KIF6: variants seen among roughly 807,000 people sequenced by gnomAD.
KIF6 encodes kinesin family member 6, also known as kinesin-like protein KIF6.
KIF6 carries 106 observed loss-of-function variants against 112.7 expected under a neutral mutation model. That is an observed-to-expected ratio of 0.94 (90% CI 0.80 to 1.11). The LOEUF is 1.11. Ranked by LOEUF, KIF6 falls within the 50% of genes least tolerant of loss-of-function variation. KIF6 has a pLI of 0.00. For missense variants in KIF6, 929 were observed against 964.0 expected, an observed-to-expected ratio of 0.96 and a Z score of 0.48; for synonymous variants, 339 against 339.9, an observed-to-expected ratio of 1.00 and a Z score of 0.03.
intron 16 of KIF6, among the ~76,000 whole-genome samples, chr6:39,385,359 G>T (rs936665115): frequency 3.3e-5 from 5 of 152,162 alleles, no homozygotes; most frequent in Non-Finnish European, 5.9e-5. Flanking sequence ...GGGGATGTGG[G>T]GTGGGAAAGG....
At chr6:39,439,284 C>G (rs1771762848) in intron 13 of KIF6, among the ~76,000 whole-genome samples, 2 of 152,172 alleles carry the variant, frequency 1.3e-5, no homozygotes, top group African/African-American at 4.8e-5. Context: ...CTCAGCTCCT[C>G]AACAGAGCTG....
intron 5 of KIF6, among the ~76,000 whole-genome samples, chr6:39,621,231 ACG>A (rs1491302682): frequency 0.17 from 21,585 of 126,440 alleles, 1,650 homozygotes; most frequent in Admixed American, 0.26. Flanking sequence ...ACACACACAC[ACG>A]TACACATATA....
intron 13 of KIF6, among the ~76,000 whole-genome samples, chr6:39,464,621 C>T (rs1477993533): frequency 4.6e-5 from 7 of 152,184 alleles, no homozygotes; most frequent in Non-Finnish European, 8.8e-5. Context: ...GCCAGGCCAT[C>T]GCCTGGCAGC....
chr6:39,359,582 T>C (rs1310305065), intron 18 of KIF6, among the ~76,000 whole-genome samples: 2 of 151,678 alleles, frequency 1.3e-5, no homozygotes, highest in Non-Finnish European at 2.9e-5. Flanking sequence ...ATGTGATTTA[T>C]TATTATTATT....
rs1303793216 is a variant in KIF6, at chr6:39,639,790, A to T, written c.252-33T>A. 3 of 1,585,826 alleles carry T rather than the reference A, an allele frequency of 1.9e-6. No individual in the cohort carries two copies. The African/African-American group carries it at 4.1e-5, about 21-fold the overall frequency. On this transcript the variant is annotated intron_variant, in intron 3 of 22. Coordinates refer to ENST00000287152, the MANE Select transcript of KIF6 (RefSeq NM_145027.6). ...AAAGAAATGACACACTTTCAATATCAACATGGCTAACTGCATATGAATTAA... is the reference window on the plus strand; with the variant it reads ...AAAGAAATGACACACTTTCAATATCTACATGGCTAACTGCATATGAATTAA...
At chr6:39,660,117 C>G (rs191556244) in intron 3 of KIF6, among the ~76,000 whole-genome samples, 2 of 152,226 alleles carry the variant, frequency 1.3e-5, no homozygotes, top group Admixed American at 1.3e-4. Context: ...TTGAAACCAG[C>G]CTGGGCAACA....
rs150829725 is a variant in KIF6, at chr6:39,657,740, G to T, written c.252-17983C>A. On this transcript the variant is annotated intron_variant, in intron 3 of 22. Coordinates refer to ENST00000287152, the MANE Select transcript of KIF6 (RefSeq NM_145027.6). ...AGGAATTTGGTGGAAATAAGTGATCGAATATGCAAATATTTACTGTGCACA... is the reference window on the plus strand; with the variant it reads ...AGGAATTTGGTGGAAATAAGTGATCTAATATGCAAATATTTACTGTGCACA... Among the ~76,000 whole-genome samples, 1,015 of 152,228 alleles carry T rather than the reference G, an allele frequency of 6.7e-3. 13 individuals are homozygous for T. The highest frequency in any genetic ancestry group is 0.023 in the African/African-American group (968 of 41,528).
At chr6:39,385,751 CT>C in intron 15 of KIF6, 79 bp from the exon 16 acceptor site, 1 of 620,558 alleles carries the variant, frequency 1.6e-6, no homozygotes, top group South Asian at 2.0e-5. Context: ...ATGTGGCAAG[CT>C]ACAGAAAAAA....
At chr6:39,365,129 C>T (rs534890028) in intron 16 of KIF6, among the ~76,000 whole-genome samples, 1 of 152,262 alleles carries the variant, frequency 6.6e-6, no homozygotes, top group East Asian at 1.9e-4. Flanking sequence ...CATTTGTTAC[C>T]TGTGTCTTTT....
At chr6:39,559,805 T>C (rs1779915700) in intron 10 of KIF6, among the ~76,000 whole-genome samples, 1 of 151,928 alleles carries the variant, frequency 6.6e-6, no homozygotes. Context: ...TTGAAAACCT[T>C]TGAGGTTGTG....
intron 13 of KIF6, among the ~76,000 whole-genome samples, chr6:39,469,945 C>T (rs1477405030): frequency 6.6e-6 from 1 of 152,078 alleles, no homozygotes; most frequent in Non-Finnish European, 1.5e-5. Flanking sequence ...ACACTATATG[C>T]CAACTAGACC....
At chr6:39,638,849 C>T (rs1035350303) in intron 4 of KIF6, among the ~76,000 whole-genome samples, 2 of 152,056 alleles carry the variant, frequency 1.3e-5, no homozygotes, top group African/African-American at 4.8e-5. Context: ...GTATGTGACT[C>T]ATTACGGGGA....
intron 3 of KIF6, among the ~76,000 whole-genome samples, chr6:39,701,113 T>C (rs1297317828): frequency 6.6e-6 from 1 of 152,258 alleles, no homozygotes; most frequent in African/African-American, 2.4e-5. Flanking sequence ...CTTGATATGT[T>C]TTATTGCGAT....
At chr6:39,570,622 G>C (rs1242537008) in intron 10 of KIF6, among the ~76,000 whole-genome samples, 1 of 152,104 alleles carries the variant, frequency 6.6e-6, no homozygotes, top group Non-Finnish European at 1.5e-5. Context: ...TGTGTCATGG[G>C]AGGGACCTGA....
intron 13 of KIF6, 72 bp downstream of exon 13, chr6:39,539,931 T>C: frequency 9.0e-7 from 1 of 1,105,486 alleles, no homozygotes; most frequent in Non-Finnish European, 1.3e-6. Flanking sequence ...TCCTGATACA[T>C]GTAAAACTAA....
chr6:39,415,867 G>A (rs1385475802), intron 15 of KIF6, among the ~76,000 whole-genome samples: 1 of 151,886 alleles, frequency 6.6e-6, no homozygotes, highest in Non-Finnish European at 1.5e-5. Context: ...GGGGTTCTTT[G>A]AATTTGGAGT....
intron 3 of KIF6, among the ~76,000 whole-genome samples, chr6:39,684,189 C>G (rs1279092560): frequency 6.6e-6 from 1 of 152,156 alleles, no homozygotes; most frequent in South Asian, 2.1e-4. Flanking sequence ...TCCATAGCTA[C>G]CACAGTATGA....
intron 16 of KIF6, among the ~76,000 whole-genome samples, chr6:39,372,366 C>T (rs748576029): frequency 1.3e-5 from 2 of 152,090 alleles, no homozygotes; most frequent in Non-Finnish European, 1.5e-5. Flanking sequence ...AATTACAATG[C>T]GCCTGGAGAA....
intron 15 of KIF6, among the ~76,000 whole-genome samples, chr6:39,388,284 A>ATT (rs3048044): frequency 0.19 from 27,089 of 145,006 alleles, 4,008 homozygotes; most frequent in African/African-American, 0.41. Flanking sequence ...CTAAGGAAGT[A>ATT]TTTTTTTTTT....
Sources: gnomAD v4.1 joint callset for allele counts (sites outside exome capture counted in the v4.1 genomes callset) on GRCh38, gnomAD v4.1.1 for gene constraint, MANE v1.5 for transcripts, NCBI Gene and HGNC (gene_info 2026-07-23, HGNC 2026-07-21) for gene names.